Variants in ARID3C observed in about 807,000 individuals in gnomAD.
The protein encoded by ARID3C is AT-rich interaction domain 3C, also known as AT-rich interactive domain-containing protein 3C.
ARID3C carries 42 observed loss-of-function variants against 37.9 expected under a neutral mutation model. The ratio of observed to expected loss-of-function variants is 1.11; its 90% CI spans 0.87 to 1.43. ARID3C has a LOEUF of 1.43. Ranked by LOEUF, ARID3C falls within the 40% of genes most tolerant of loss-of-function variation. ARID3C has a pLI of 0.00. For synonymous variants in ARID3C, 213 were observed against 228.0 expected, an observed-to-expected ratio of 0.93 and a Z score of 0.59; for missense variants, 581 against 548.8, an observed-to-expected ratio of 1.06 and a Z score of -0.59.
exon 4 of ARID3C, chr9:34,623,549 G>T: frequency 1.3e-6 from 2 of 1,599,200 alleles, no homozygotes; most frequent in Non-Finnish European, 1.7e-6. Context: ...CCAAGGCTGG[G>T]TCCTGAGCGC....
exon 7 of ARID3C, chr9:34,621,427 G>C: frequency 7.0e-7 from 1 of 1,428,134 alleles, no homozygotes. Context: ...TCAGCAATGG[G>C]GCTGGGACTC....
exon 7 of ARID3C, chr9:34,621,390 A>G: frequency 8.7e-7 from 1 of 1,149,932 alleles, no homozygotes. Flanking sequence ...AGCCAGAAAG[A>G]ATCAAAGCAG....
At chr9:34,627,713 T>A in exon 1 of ARID3C, 1 of 1,612,282 alleles carries the variant, frequency 6.2e-7, no homozygotes, top group Non-Finnish European at 8.5e-7. Context: ...GAATTGTTCC[T>A]CGTAGGTCCA....
exon 5 of ARID3C, chr9:34,622,380 T>C (rs775074270): frequency 3.1e-6 from 5 of 1,612,486 alleles, no homozygotes; most frequent in Admixed American, 1.7e-5. Context: ...GGCAGGAAAC[T>C]GGGGGGCATG....
chr9:34,626,365 T>G (rs1045169013), intron 1 of ARID3C, among the ~76,000 whole-genome samples: 1 of 152,188 alleles, frequency 6.6e-6, no homozygotes, highest in Non-Finnish European at 1.5e-5. Flanking sequence ...TCAGCTCATC[T>G]TCTGGTCTGA....
chr9:34,626,728 A>T (rs1820658290), intron 1 of ARID3C, among the ~76,000 whole-genome samples: 1 of 152,186 alleles, frequency 6.6e-6, no homozygotes, highest in Non-Finnish European at 1.5e-5. Flanking sequence ...TAAGTCTAAG[A>T]TGTTATTACT....
chr9:34,626,461 T>C (rs1820655612), intron 1 of ARID3C, among the ~76,000 whole-genome samples: 1 of 151,722 alleles, frequency 6.6e-6, no homozygotes, highest in Non-Finnish European at 1.5e-5. Context: ...GGGGTCAGAG[T>C]TTAAAGGATC....
chr9:34,625,296 C>T (rs1820639723), intron 2 of ARID3C, among the ~76,000 whole-genome samples: 1 of 152,170 alleles, frequency 6.6e-6, no homozygotes, highest in Non-Finnish European at 1.5e-5. Flanking sequence ...CCTCCACAGC[C>T]TCAACTCACA....
At chr9:34,621,529 G>A in exon 7 of ARID3C, 1 of 1,564,186 alleles carries the variant, frequency 6.4e-7, no homozygotes, top group Admixed American at 2.1e-5. Context: ...TGGGAAGCTG[G>A]CACAGGCTGG....
At chr9:34,630,765 A>G (rs1335444132), upstream of ARID3C, among the ~76,000 whole-genome samples, 3 of 152,060 alleles carry the variant, frequency 2.0e-5, no homozygotes, top group African/African-American at 4.8e-5. Flanking sequence ...TCTATGGCCC[A>G]TTCCTGGCCA....
intron 5 of ARID3C, 64 bp downstream of exon 6, chr9:34,622,283 G>A: frequency 1.3e-6 from 2 of 1,569,026 alleles, no homozygotes; most frequent in Non-Finnish European, 1.7e-6. Context: ...CACCTATCAG[G>A]TGATGGGTCA....
At chr9:34,626,791 C>T (rs1820658945) in intron 1 of ARID3C, among the ~76,000 whole-genome samples, 1 of 152,164 alleles carries the variant, frequency 6.6e-6, no homozygotes, top group Non-Finnish European at 1.5e-5. Flanking sequence ...AGTCTCTAGA[C>T]CACATATCCA....
At chr9:34,627,909 G>A (rs768532800) in exon 1 of ARID3C, 3 of 1,559,922 alleles carry the variant, frequency 1.9e-6, no homozygotes, top group Non-Finnish European at 2.6e-6. Context: ...TGTAGGGTCC[G>A]GTGGTCAGGC....
chr9:34,628,422 G>A (rs75811999), upstream of ARID3C, among the ~76,000 whole-genome samples: 1,069 of 152,226 alleles, frequency 7.0e-3, 13 homozygotes, highest in East Asian at 0.054. The surrounding 1 kb of genome is among the most constrained non-coding windows in gnomAD (Gnocchi z 5.2). Flanking sequence ...GGGTGACAAG[G>A]AGAGACAGAA....
At chr9:34,621,653 T>C in intron 6 of ARID3C, 95 bp from the exon 8 acceptor site, 6 of 917,446 alleles carry the variant, frequency 6.5e-6, no homozygotes, top group South Asian at 1.6e-5. Context: ...AGTGTTCTGG[T>C]TGCTAGAACA....
At chr9:34,621,381 G>A in exon 7 of ARID3C, 1 of 1,083,062 alleles carries the variant, frequency 9.2e-7, no homozygotes, top group Non-Finnish European at 1.3e-6. Context: ...AGAGTGGGCA[G>A]CCAGAAAGAA....
At chr9:34,624,182 G>C in intron 2 of ARID3C, 135 bp from the exon 4 acceptor site, 1 of 1,092,760 alleles carries the variant, frequency 9.2e-7, no homozygotes, top group South Asian at 1.7e-5. Context: ...CAGAACCCCA[G>C]GGTCTCTGTT....
In ARID3C at chr9:34,622,012, A is replaced by G; in HGVS notation, c.1138+8T>C. On this transcript the variant is annotated splice_region_variant and intron_variant, in intron 6 of 6. Transcript: ENST00000378909. ...CATGCCAGTGTAGACAGCCTGCAGT[A>G]CCCATACCAGTGTAGACCACCCCGT... 2 of 1,613,722 alleles carry G rather than the reference A, an allele frequency of 1.2e-6. No homozygotes were observed. Among genetic ancestry groups the G allele is most frequent in the Non-Finnish European group, 1.7e-6 (2 of 1,179,684 alleles).
chr9:34,625,063 G>C (rs568965132), intron 2 of ARID3C, among the ~76,000 whole-genome samples: 1 of 152,066 alleles, frequency 6.6e-6, no homozygotes, highest in Non-Finnish European at 1.5e-5. Flanking sequence ...CACTAAAGGC[G>C]GTGGGGGGGC....
Sources: allele counts gnomAD v4.1 joint callset (sites outside exome capture counted in the v4.1 genomes callset), GRCh38; gene constraint gnomAD v4.1.1; non-coding constraint Gnocchi (gnomAD v3.1); transcripts MANE v1.5; gene names NCBI Gene and HGNC (gene_info 2026-07-23, HGNC 2026-07-21).